The following PANK3 variants were observed in gnomAD, a reference collection of about 807,000 sequenced individuals.
PANK3 encodes hPanK3.
In PANK3, 20 loss-of-function variants were observed where a neutral mutation model predicts 39.4. The ratio of observed to expected loss-of-function variants is 0.51; its 90% CI spans 0.36 to 0.74. PANK3 has a LOEUF of 0.74. Among genes scored for constraint, PANK3 ranks in the 30% least tolerant of loss-of-function variants. The pLI is 0.00. For synonymous variants in PANK3, 140 were observed against 157.3 expected, an observed-to-expected ratio of 0.89 and a Z score of 0.82; for missense variants, 265 against 437.0, an observed-to-expected ratio of 0.61 and a Z score of 3.51.
In PANK3 at chr5:168,553,233, G is replaced by A. The variant is rs1029436521; in HGVS notation, c.*4338C>T. On this transcript the variant is annotated 3_prime_UTR_variant, in exon 7 of 7. Transcript: ENST00000239231. ...AGATCTGGATCTCCAGAATACCAAC[G>A]ACGTCCAGCTGGTTGAGAGCACTAA... 22 of 508,944 alleles carry A rather than the reference G, an allele frequency of 4.3e-5. No individual in the cohort carries two copies. Among genetic ancestry groups the A allele is most frequent in the South Asian group, 2.5e-4 (17 of 68,212 alleles). 31.5% of individuals were successfully genotyped at this position (508,944 alleles called of 1,614,324 possible).
intron 1 of PANK3, among the ~76,000 whole-genome samples, chr5:168,571,613 TA>T (rs1158466968): frequency 5.9e-5 from 9 of 152,354 alleles, no homozygotes; most frequent in African/African-American, 1.9e-4. Flanking sequence ...AGTTTTTATG[TA>T]AAAGTTGCCA....
chr5:168,561,859 T>G (rs1759454416), intron 4 of PANK3, among the ~76,000 whole-genome samples: 1 of 152,232 alleles, frequency 6.6e-6, no homozygotes, highest in South Asian at 2.1e-4. Flanking sequence ...AAATTCTTTT[T>G]CATTCAGTCA....
intron 1 of PANK3, among the ~76,000 whole-genome samples, chr5:168,573,291 G>C (rs1759671650): frequency 6.6e-6 from 1 of 151,406 alleles, no homozygotes; most frequent in South Asian, 2.1e-4. Flanking sequence ...AAGAAAAGTT[G>C]GTGGCTGGTA....
At chr5:168,558,894 A>C (rs1759397252) in intron 6 of PANK3, 138 bp downstream of exon 6, 2 of 668,540 alleles carry the variant, frequency 3.0e-6, no homozygotes, top group Non-Finnish European at 4.5e-6. Flanking sequence ...CTGAGGTGGG[A>C]GGATTGATGA....
chr5:168,576,518 G>A (rs946173523), intron 1 of PANK3, among the ~76,000 whole-genome samples: 13 of 152,142 alleles, frequency 8.5e-5, no homozygotes, highest in Admixed American at 5.9e-4. Flanking sequence ...AATTTCAAAT[G>A]CTAATCTTCC....
chr5:168,560,503 T>TTTTTTAA (rs1759430057), intron 5 of PANK3, among the ~76,000 whole-genome samples: 1 of 152,228 alleles, frequency 6.6e-6, no homozygotes, highest in Non-Finnish European at 1.5e-5. Flanking sequence ...ACTTATCACC[T>TTTTTTAA]AATACACACT....
chr5:168,559,181 A>ATAATAGATTTATTT, intron 5 of PANK3, 24 bp from the exon 6 acceptor site: 4 of 1,390,440 alleles, frequency 2.9e-6, no homozygotes, highest in East Asian at 2.4e-5. Context: ...ACAAAGAAAA[A>ATAATAGATTTATTT]ACTTGTAAAA....
intron 5 of PANK3, chr5:168,560,866 C>T (rs755665801): frequency 2.4e-6 from 1 of 420,310 alleles, no homozygotes; most frequent in Non-Finnish European, 5.2e-6. Context: ...TAACAATAAA[C>T]ACCACTCAAA....
intron 1 of PANK3, among the ~76,000 whole-genome samples, chr5:168,575,141 G>A (rs572233267): frequency 2.6e-5 from 4 of 152,234 alleles, no homozygotes; most frequent in African/African-American, 7.2e-5. Context: ...CCCAGACTGT[G>A]AGAATTATTA....
chr5:168,566,892 G>A (rs755665396), intron 2 of PANK3, among the ~76,000 whole-genome samples: 3 of 152,040 alleles, frequency 2.0e-5, no homozygotes, highest in Non-Finnish European at 2.9e-5. Context: ...GCAGGCGCCC[G>A]CCACCACGCC....
chr5:168,571,323 G>C (rs1759627057), intron 1 of PANK3, among the ~76,000 whole-genome samples: 1 of 152,114 alleles, frequency 6.6e-6, no homozygotes, highest in African/African-American at 2.4e-5. Flanking sequence ...TAGAATTACA[G>C]CTAACATTTA....
intron 1 of PANK3, among the ~76,000 whole-genome samples, chr5:168,570,179 G>A (rs969461909): frequency 6.6e-6 from 1 of 151,974 alleles, no homozygotes; most frequent in Non-Finnish European, 1.5e-5. Context: ...TCAGGAGATC[G>A]AGACCTTCCT....
At chr5:168,572,312 C>A (rs974754818) in intron 1 of PANK3, among the ~76,000 whole-genome samples, 1 of 152,002 alleles carries the variant, frequency 6.6e-6, no homozygotes. Flanking sequence ...AGGGGTTTCA[C>A]CATGTTGACT....
chr5:168,572,120 T>C (rs1244626826), intron 1 of PANK3, among the ~76,000 whole-genome samples: 1 of 146,142 alleles, frequency 6.8e-6, no homozygotes, highest in Non-Finnish European at 1.5e-5. Flanking sequence ...CTTTTTTTTT[T>C]TTTTTTTTTT....
chr5:168,570,116 C>T (rs1759602668), intron 1 of PANK3, among the ~76,000 whole-genome samples: 2 of 152,150 alleles, frequency 1.3e-5, no homozygotes, highest in African/African-American at 4.8e-5. Context: ...GGCGCGGTGG[C>T]TTACGCCTGT....
chr5:168,572,811 A>G (rs551857571), intron 1 of PANK3, among the ~76,000 whole-genome samples: 4 of 152,242 alleles, frequency 2.6e-5, no homozygotes, highest in South Asian at 4.2e-4. Flanking sequence ...TGGAGCAGCA[A>G]AAAACTTTGG....
Position 168,579,248 on chromosome 5 carries a change from C to A in PANK3, c.28+8G>T, listed in dbSNP as rs1474327707. ...TCCCAACCTGGCGGGCCCCAGCCCCCGTCTTACAGGGTTTCTTGGCATCTT... is the reference window on the plus strand; with the variant it reads ...TCCCAACCTGGCGGGCCCCAGCCCCAGTCTTACAGGGTTTCTTGGCATCTT... On this transcript the variant is annotated splice_region_variant and intron_variant, in intron 1 of 6. Coordinates refer to ENST00000239231, the MANE Select transcript of PANK3 (RefSeq NM_024594.4). 3 of 1,489,984 alleles carry A rather than the reference C, an allele frequency of 2.0e-6. No individual in the cohort carries two copies. Among genetic ancestry groups the A allele is most frequent in the Non-Finnish European group, 2.7e-6 (3 of 1,117,180 alleles). The allele number at this position is 1,489,984 out of a possible 1,614,324, so 92.3% of individuals were successfully genotyped here.
intron 5 of PANK3, among the ~76,000 whole-genome samples, chr5:168,560,638 T>C (rs1040074093): frequency 5.9e-5 from 9 of 152,204 alleles, no homozygotes; most frequent in Non-Finnish European, 8.8e-5. Context: ...AGTAAATATT[T>C]ACTCAATGAA....
intron 3 of PANK3, 128 bp downstream of exon 3, chr5:168,565,885 A>ATATATTTTTT (rs1441027360): frequency 5.2e-6 from 1 of 192,932 alleles, no homozygotes; most frequent in South Asian, 1.6e-4. Context: ...ATATATATAT[A>ATATATTTTTT]TTTTTTTTTT....
Sources: allele counts gnomAD v4.1 joint callset (sites outside exome capture counted in the v4.1 genomes callset), GRCh38; gene constraint gnomAD v4.1.1; transcripts MANE v1.5; gene names NCBI Gene and HGNC (gene_info 2026-07-23, HGNC 2026-07-21).